The following DACH2 variants were observed in gnomAD, a reference collection of about 807,000 sequenced individuals.
DACH2 encodes the protein dachshund family transcription factor 2.
In DACH2, 17 loss-of-function variants were observed where a neutral mutation model predicts 35.8. That is an observed-to-expected ratio of 0.48 (90% confidence interval 0.33 to 0.71). DACH2 has a LOEUF of 0.71. Among genes scored for constraint, DACH2 ranks in the 30% least tolerant of loss-of-function variants. The probability of loss-of-function intolerance (pLI) is 0.02; values close to 1 mark genes in which losing one functional copy is unlikely to be tolerated. For synonymous variants in DACH2, 195 were observed against 177.3 expected (o/e 1.10, Z -0.79); for missense variants, 469 against 472.7 (o/e 0.99, Z 0.07).
intron 7 of DACH2, among the ~76,000 whole-genome samples, chrX:86,746,684 G>A (rs1255950741): frequency 9.0e-6 from 1 of 111,065 alleles, no homozygotes; most frequent in Non-Finnish European, 1.9e-5. Flanking sequence ...TCTTTATCAG[G>A]CATGTGACTT....
intron 1 of DACH2, among the ~76,000 whole-genome samples, chrX:86,157,721 GTCTA>G (rs999547876): frequency 6.3e-5 from 7 of 111,192 alleles, no homozygotes; most frequent in Non-Finnish European, 1.1e-4. Context: ...TTTGAGAGAA[GTCTA>G]TCTCTCATGT....
chrX:86,531,825 C>T (rs1244970503), intron 3 of DACH2, among the ~76,000 whole-genome samples: 2 of 112,369 alleles, frequency 1.8e-5, no homozygotes, highest in Non-Finnish European at 3.8e-5. Context: ...CAGCTTGCAC[C>T]ATGAACCTGG....
At chrX:86,212,463 A>T (rs186407252) in intron 1 of DACH2, among the ~76,000 whole-genome samples, 2 of 111,566 alleles carry the variant, frequency 1.8e-5, no homozygotes, top group Non-Finnish European at 3.8e-5. Flanking sequence ...GTATTATAAC[A>T]TATACCTAAT....
intron 2 of DACH2, among the ~76,000 whole-genome samples, chrX:86,442,974 A>C (rs1490694882): frequency 8.9e-6 from 1 of 111,894 alleles, no homozygotes; most frequent in East Asian, 2.8e-4. Context: ...TTTGGTTACT[A>C]TAACTTTGTA....
At chrX:86,585,178 A>ATGC (rs758733154) in intron 3 of DACH2, among the ~76,000 whole-genome samples, 6 of 110,746 alleles carry the variant, frequency 5.4e-5, no homozygotes, top group Admixed American at 1.9e-4. Flanking sequence ...TACAGTAATG[A>ATGC]TACTGCTGGG....
intron 6 of DACH2, among the ~76,000 whole-genome samples, chrX:86,727,524 T>C (rs2148470251): frequency 9.0e-6 from 1 of 111,464 alleles, no homozygotes; most frequent in Admixed American, 9.5e-5. Flanking sequence ...TGTTGAAATC[T>C]AATCCACAAT....
At chrX:86,817,349 C>T (rs1323636137) in intron 11 of DACH2, among the ~76,000 whole-genome samples, 2 of 108,263 alleles carry the variant, frequency 1.8e-5, no homozygotes, top group Non-Finnish European at 3.9e-5. Context: ...TTCATCACAG[C>T]AAAATTCACT....
chrX:86,360,115 A>C (rs771838311), intron 1 of DACH2, among the ~76,000 whole-genome samples: 7 of 110,663 alleles, frequency 6.3e-5, no homozygotes, highest in Non-Finnish European at 1.3e-4. Context: ...TTTATTTTAG[A>C]TTTTTGGCTT....
At chrX:86,634,503 G>T (rs2040239572) in intron 3 of DACH2, among the ~76,000 whole-genome samples, 1 of 110,823 alleles carries the variant, frequency 9.0e-6, no homozygotes, top group Non-Finnish European at 1.9e-5. Context: ...AAACAGGGAA[G>T]TCAAATTGGT....
intron 3 of DACH2, among the ~76,000 whole-genome samples, chrX:86,538,382 G>T (rs954449671): frequency 9.0e-5 from 10 of 111,440 alleles, no homozygotes; most frequent in African/African-American, 3.3e-4. Flanking sequence ...AATTATTCCA[G>T]CCTCTACTAA....
intron 2 of DACH2, among the ~76,000 whole-genome samples, chrX:86,442,023 C>T (rs2037171914): frequency 9.1e-6 from 1 of 109,490 alleles, no homozygotes; most frequent in Admixed American, 9.9e-5. Flanking sequence ...TGCCACCATG[C>T]CCAGTTATCC....
intron 1 of DACH2, among the ~76,000 whole-genome samples, chrX:86,292,789 G>T (rs1308783622): frequency 1.8e-5 from 2 of 111,806 alleles, no homozygotes; most frequent in Non-Finnish European, 3.8e-5. Context: ...TAGTCTGAGA[G>T]ATAGTTTGTT....
chrX:86,555,162 T>A (rs187323458), intron 3 of DACH2, among the ~76,000 whole-genome samples: 275 of 111,973 alleles, frequency 2.5e-3, no homozygotes, highest in African/African-American at 8.4e-3. Flanking sequence ...TGCTATAGCA[T>A]AATATCTTAA....
At chrX:86,337,855 G>C (rs906210304) in intron 1 of DACH2, among the ~76,000 whole-genome samples, 46 of 111,500 alleles carry the variant, frequency 4.1e-4, no homozygotes, top group African/African-American at 1.4e-3. Context: ...TCAAAATAAA[G>C]GGATGTAGGA....
intron 2 of DACH2, among the ~76,000 whole-genome samples, chrX:86,451,484 G>T (rs1240660844): frequency 9.0e-6 from 1 of 111,470 alleles, no homozygotes; most frequent in East Asian, 2.8e-4. Flanking sequence ...TTTGAAGTCA[G>T]GTAGCATGAT....
intron 1 of DACH2, among the ~76,000 whole-genome samples, chrX:86,228,019 T>C (rs2032863958): frequency 9.0e-6 from 1 of 110,704 alleles, no homozygotes; most frequent in Admixed American, 9.7e-5. Context: ...TTTGGTTACA[T>C]GAGTAAGTTC....
At chrX:86,277,904 T>C (rs923307812) in intron 1 of DACH2, among the ~76,000 whole-genome samples, 7 of 110,766 alleles carry the variant, frequency 6.3e-5, no homozygotes, top group African/African-American at 2.3e-4. Flanking sequence ...AAAAAAAAAT[T>C]GTCATTTTGA....
intron 3 of DACH2, among the ~76,000 whole-genome samples, chrX:86,593,915 G>A (rs894539575): frequency 9.0e-6 from 1 of 111,380 alleles, no homozygotes; most frequent in Non-Finnish European, 1.9e-5. Flanking sequence ...AGATTATGGA[G>A]AACTGGTATA....
intron 3 of DACH2, among the ~76,000 whole-genome samples, chrX:86,649,684 G>A (rs986087137): frequency 9.0e-6 from 1 of 110,976 alleles, no homozygotes; most frequent in African/African-American, 3.3e-5. Flanking sequence ...GCTTCATTAC[G>A]AGTTTTCTAT....
Sources: allele counts gnomAD v4.1 joint callset (sites outside exome capture counted in the v4.1 genomes callset), GRCh38; gene constraint gnomAD v4.1.1; transcripts MANE v1.5; gene names NCBI Gene and HGNC (gene_info 2026-07-23, HGNC 2026-07-21).